The following ANKRD6 variants were observed in gnomAD, a reference collection of about 807,000 sequenced individuals.
The protein encoded by ANKRD6 is ankyrin repeat domain-containing protein 6.
A neutral mutation model predicts 82.3 loss-of-function variants in ANKRD6; 56 were observed. That is an observed-to-expected ratio of 0.68 (90% CI 0.55 to 0.85). The LOEUF (loss-of-function observed/expected upper bound fraction) is 0.85, where lower values mean the gene tolerates loss of function less well. ANKRD6 is among the 40% of genes least tolerant of loss of function. The pLI is 0.00. For missense variants in ANKRD6, 852 were observed against 907.6 expected, an observed-to-expected ratio of 0.94 and a Z score of 0.79; for synonymous variants, 347 against 352.1, an observed-to-expected ratio of 0.99 and a Z score of 0.16.
At chr6:89,518,649 A>G (rs1448024891) in intron 1 of ANKRD6, among the ~76,000 whole-genome samples, 1 of 151,978 alleles carries the variant, frequency 6.6e-6, no homozygotes, top group South Asian at 2.1e-4. Context: ...CAAAAAAAAA[A>G]GCATAACACT....
chr6:89,453,377 A>G (rs561107446), intron 1 of ANKRD6, among the ~76,000 whole-genome samples: 2 of 152,274 alleles, frequency 1.3e-5, no homozygotes, highest in Non-Finnish European at 1.5e-5. Flanking sequence ...CATTAGCAAC[A>G]TTAGAATAAA....
Position 89,631,387 on chromosome 6 carries a change from T to G in ANKRD6, c.*383T>G, listed in dbSNP as rs1048434513. On this transcript the variant is annotated 3_prime_UTR_variant, in exon 16 of 16. Coordinates refer to ENST00000339746, the MANE Select transcript of ANKRD6 (RefSeq NM_001242809.2). ...AAAGCAAGAAAAACGTAATCCCGTCTGAACTCAAGTAGTCATTCATATAAA... is the reference window on the plus strand; with the variant it reads ...AAAGCAAGAAAAACGTAATCCCGTCGGAACTCAAGTAGTCATTCATATAAA... 5 of 161,590 alleles carry G rather than the reference T, an allele frequency of 3.1e-5. No homozygotes were observed. The highest frequency in any genetic ancestry group is 1.2e-4 in the African/African-American group (5 of 41,610). The allele number at this position is 161,590 out of a possible 1,614,324, so 10.0% of individuals were successfully genotyped here.
intron 1 of ANKRD6, among the ~76,000 whole-genome samples, chr6:89,500,630 GA>G (rs916233118): frequency 2.0e-5 from 3 of 152,176 alleles, no homozygotes; most frequent in African/African-American, 7.2e-5. Context: ...TGTAATGGGG[GA>G]AGAGCCTAAC....
chr6:89,572,679 C>A (rs771476356), intron 2 of ANKRD6, among the ~76,000 whole-genome samples: 1 of 152,046 alleles, frequency 6.6e-6, no homozygotes, highest in Admixed American at 6.6e-5. Flanking sequence ...TATTCCATTT[C>A]GAGTTAATTT....
At chr6:89,455,730 C>T (rs1163767285) in intron 1 of ANKRD6, among the ~76,000 whole-genome samples, 2 of 152,122 alleles carry the variant, frequency 1.3e-5, no homozygotes, top group East Asian at 3.9e-4. Flanking sequence ...TGCCTGCTTC[C>T]CCTTCACCTT....
At chr6:89,547,380 A>T (rs1390583643) in intron 1 of ANKRD6, among the ~76,000 whole-genome samples, 21 of 152,158 alleles carry the variant, frequency 1.4e-4, no homozygotes, top group Admixed American at 1.4e-3. Context: ...TGCCTTTGTC[A>T]TGGCCTGCAG....
intron 1 of ANKRD6, among the ~76,000 whole-genome samples, chr6:89,464,330 G>A (rs1774570161): frequency 6.6e-6 from 1 of 152,138 alleles, no homozygotes; most frequent in Admixed American, 6.6e-5. Context: ...ATTAACAGAT[G>A]GTTAGAGCTT....
chr6:89,447,667 G>A (rs1772261346), intron 1 of ANKRD6, among the ~76,000 whole-genome samples: 1 of 152,170 alleles, frequency 6.6e-6, no homozygotes, highest in African/African-American at 2.4e-5. Flanking sequence ...ACTGGAAGGA[G>A]AGTCCATTTA....
intron 13 of ANKRD6, among the ~76,000 whole-genome samples, chr6:89,626,669 G>A (rs1358214195): frequency 6.6e-6 from 1 of 152,196 alleles, no homozygotes; most frequent in African/African-American, 2.4e-5. Context: ...GTGAGCCTTC[G>A]CGGATTGGCT....
At chr6:89,610,787 G>GA (rs1172362927) in intron 5 of ANKRD6, among the ~76,000 whole-genome samples, 5 of 133,190 alleles carry the variant, frequency 3.8e-5, no homozygotes, top group African/African-American at 9.3e-5. Flanking sequence ...AACGAAAAAG[G>GA]AAAAAAAACA....
At chr6:89,546,289 A>G (rs919053610) in intron 1 of ANKRD6, among the ~76,000 whole-genome samples, 2 of 152,078 alleles carry the variant, frequency 1.3e-5, no homozygotes, top group African/African-American at 4.8e-5. Flanking sequence ...TATAACAGCT[A>G]TTTTGCTTCT....
intron 1 of ANKRD6, among the ~76,000 whole-genome samples, chr6:89,548,357 C>T (rs1785384981): frequency 6.6e-6 from 1 of 152,188 alleles, no homozygotes; most frequent in South Asian, 2.1e-4. Context: ...TAGCATGTAT[C>T]AGTAGTTCAT....
intron 1 of ANKRD6, among the ~76,000 whole-genome samples, chr6:89,546,775 A>G (rs1212235014): frequency 6.6e-6 from 1 of 151,902 alleles, no homozygotes; most frequent in African/African-American, 2.4e-5. Flanking sequence ...TTTTAACTGC[A>G]GTAAACCACA....
At position 89,627,582 on chromosome 6, in the gene ANKRD6, GA is replaced by G; in HGVS notation, c.1372del (p.Met458CysfsTer7). The G allele has an allele frequency of 1.9e-6, 3 of 1,613,518 alleles. No individual in the cohort carries two copies. On this transcript the variant is annotated frameshift_variant and splice_region_variant, in exon 14 of 16. Coordinates refer to ENST00000339746, the MANE Select transcript of ANKRD6 (RefSeq NM_001242809.2). LOFTEE classifies it high-confidence loss of function. ...GQMENKTQHQ[M>X]RVLDKLMVER... ...TACACTCTGCTCCACTTCACTCCTAGATGCGTGTTTTGGACAAGCTGATGGT... is the reference window on the plus strand; with the variant it reads ...TACACTCTGCTCCACTTCACTCCTAGTGCGTGTTTTGGACAAGCTGATGGT...
chr6:89,443,226 C>G (rs889370981), intron 1 of ANKRD6, among the ~76,000 whole-genome samples: 10 of 152,146 alleles, frequency 6.6e-5, no homozygotes, highest in African/African-American at 2.2e-4. Flanking sequence ...CTGCTTCCCC[C>G]ACCCCTGCCT....
At chr6:89,457,283 A>T (rs1773603713) in intron 1 of ANKRD6, among the ~76,000 whole-genome samples, 1 of 152,186 alleles carries the variant, frequency 6.6e-6, no homozygotes, top group Non-Finnish European at 1.5e-5. Context: ...TCCACTGTGG[A>T]GGAAGCCTTC....
chr6:89,612,109 A>G (rs575144341), intron 5 of ANKRD6, among the ~76,000 whole-genome samples, 163 bp from the exon 6 acceptor site: 1 of 152,336 alleles, frequency 6.6e-6, no homozygotes, highest in African/African-American at 2.4e-5. Context: ...TCCAAATTAA[A>G]TGTTCTTACC....
intron 2 of ANKRD6, among the ~76,000 whole-genome samples, chr6:89,590,689 C>G (rs1794702005): frequency 6.6e-6 from 1 of 152,116 alleles, no homozygotes; most frequent in African/African-American, 2.4e-5. Context: ...CTACCCTTAC[C>G]CCCAACACAA....
At chr6:89,559,404 C>A (rs919821771) in intron 1 of ANKRD6, among the ~76,000 whole-genome samples, 1 of 152,198 alleles carries the variant, frequency 6.6e-6, no homozygotes, top group Non-Finnish European at 1.5e-5. Context: ...CCCAGCACAG[C>A]AAGCAAGAAT....
Sources: gnomAD v4.1 joint callset for allele counts (sites outside exome capture counted in the v4.1 genomes callset) on GRCh38, gnomAD v4.1.1 for gene constraint, MANE v1.5 for transcripts, NCBI Gene and HGNC (gene_info 2026-07-23, HGNC 2026-07-21) for gene names.